Variants in OR2L13 observed in about 807,000 individuals in gnomAD.
OR2L13 encodes olfactory receptor 2L13.
Under a neutral mutation model 15.3 loss-of-function variants are expected in OR2L13, and 14 were observed. That is an observed-to-expected ratio of 0.91 (90% CI 0.60 to 1.43). OR2L13 has a LOEUF of 1.43. OR2L13 is among the 40% of genes most tolerant of loss of function. The pLI is 0.00. For missense variants in OR2L13, 367 were observed against 387.9 expected, an observed-to-expected ratio of 0.95 and a Z score of 0.45; for synonymous variants, 152 against 142.9, an observed-to-expected ratio of 1.06 and a Z score of -0.45.
At chr1:247,974,998 T>C in the OR2L13 span, 3 of 313,078 alleles carry the variant, frequency 9.6e-6, no homozygotes, top group Non-Finnish European at 2.0e-5. Context: ...ATTTTCTGTT[T>C]GGAAACAAGT....
the OR2L13 span, among the ~76,000 whole-genome samples, chr1:247,979,524 G>A: frequency 6.8e-6 from 1 of 146,970 alleles, no homozygotes; most frequent in Non-Finnish European, 1.5e-5. Flanking sequence ...GTATTTCATG[G>A]TGTATATGTG....
At chr1:248,012,359 T>C in the OR2L13 span, among the ~76,000 whole-genome samples, 1 of 152,126 alleles carries the variant, frequency 6.6e-6, no homozygotes, top group Non-Finnish European at 1.5e-5. Flanking sequence ...TTGTTTCATA[T>C]GCCCAAGTCC....
chr1:248,080,461 T>C, the OR2L13 span, among the ~76,000 whole-genome samples: 1 of 152,152 alleles, frequency 6.6e-6, no homozygotes, highest in Non-Finnish European at 1.5e-5. Context: ...CGGTGTGTGA[T>C]GTTCCCCTCC....
exon 3 of OR2L13, chr1:248,100,356 T>A: frequency 8.1e-7 from 1 of 1,238,096 alleles, no homozygotes; most frequent in South Asian, 1.3e-5. Flanking sequence ...TCTTTCCAAG[T>A]TGATTCCAAC....
At chr1:247,939,038 G>T in the OR2L13 span, 1 of 152,160 alleles carries the variant, frequency 6.6e-6, no homozygotes, top group Non-Finnish European at 1.5e-5. Context: ...ATAAGTAAAG[G>T]ATGCAAGACA....
upstream of OR2L13, among the ~76,000 whole-genome samples, chr1:248,094,499 A>T (rs1233163294): frequency 6.6e-6 from 1 of 152,174 alleles, no homozygotes; most frequent in Non-Finnish European, 1.5e-5. Flanking sequence ...CCAGTTGTAA[A>T]GATTAGTAAC....
chr1:247,946,908 A>G, the OR2L13 span, among the ~76,000 whole-genome samples: 1 of 152,326 alleles, frequency 6.6e-6, no homozygotes, highest in East Asian at 1.9e-4. Context: ...TTCAGTTGAG[A>G]GAAATTTTTT....
chr1:248,003,542 A>G, the OR2L13 span: 1 of 1,612,580 alleles, frequency 6.2e-7, no homozygotes. Flanking sequence ...CATGAGCAAA[A>G]GAGTGTGTGT....
the OR2L13 span, among the ~76,000 whole-genome samples, chr1:248,014,847 C>T: frequency 6.6e-6 from 1 of 152,142 alleles, no homozygotes; most frequent in African/African-American, 2.4e-5. Flanking sequence ...GCTTACATTT[C>T]TAGTAATTGT....
the OR2L13 span, among the ~76,000 whole-genome samples, chr1:248,067,776 C>T: frequency 4.6e-5 from 7 of 152,304 alleles, no homozygotes; most frequent in East Asian, 1.9e-4. Flanking sequence ...CCTGGAAAAT[C>T]GGGCCACTCC....
At chr1:248,076,496 C>T in the OR2L13 span, among the ~76,000 whole-genome samples, 1 of 151,984 alleles carries the variant, frequency 6.6e-6, no homozygotes, top group African/African-American at 2.4e-5. Context: ...TATTCTTCCA[C>T]TCGTTTTTGT....
the OR2L13 span, among the ~76,000 whole-genome samples, chr1:247,984,906 C>T: frequency 0.039 from 5,890 of 152,098 alleles, 350 homozygotes; most frequent in African/African-American, 0.13. Context: ...TCTGCTATCC[C>T]CTGGGTTCCA....
At chr1:247,959,563 G>C in the OR2L13 span, among the ~76,000 whole-genome samples, 1 of 151,702 alleles carries the variant, frequency 6.6e-6, no homozygotes, top group Non-Finnish European at 1.5e-5. Flanking sequence ...CATTCTCCTC[G>C]TCACTTTCAG....
chr1:248,054,633 G>C, the OR2L13 span, among the ~76,000 whole-genome samples: 10 of 152,068 alleles, frequency 6.6e-5, no homozygotes, highest in Non-Finnish European at 1.2e-4. Flanking sequence ...ATGGTTTGTA[G>C]TTCTCTTTGA....
At chr1:248,057,872 T>C in the OR2L13 span, among the ~76,000 whole-genome samples, 1 of 152,230 alleles carries the variant, frequency 6.6e-6, no homozygotes, top group Admixed American at 6.5e-5. Context: ...TTATTTATTA[T>C]TTATCCTAAG....
At chr1:248,040,361 G>C in the OR2L13 span, 10 of 152,396 alleles carry the variant, frequency 6.6e-5, no homozygotes, top group East Asian at 1.9e-3. Context: ...GAGCAAGTAA[G>C]AAGAGCCTCA....
the OR2L13 span, chr1:248,040,729 T>A: frequency 6.6e-6 from 1 of 152,234 alleles, no homozygotes; most frequent in Non-Finnish European, 1.5e-5. Context: ...TAAGGCTTGC[T>A]GTCAATAGTA....
chr1:248,095,994 C>T (rs1025953544), upstream of OR2L13, among the ~76,000 whole-genome samples: 7 of 151,896 alleles, frequency 4.6e-5, no homozygotes, highest in South Asian at 2.1e-4. Context: ...TGATTTGGGT[C>T]GGCTTTATCC....
chr1:248,088,302 T>G, the OR2L13 span, among the ~76,000 whole-genome samples: 1 of 152,176 alleles, frequency 6.6e-6, no homozygotes, highest in African/African-American at 2.4e-5. Flanking sequence ...TATTTTGAAC[T>G]GGGCCCCAAT....
Sources: gnomAD v4.1 joint callset for allele counts (sites outside exome capture counted in the v4.1 genomes callset) on GRCh38, gnomAD v4.1.1 for gene constraint, MANE v1.5 for transcripts, NCBI Gene and HGNC (gene_info 2026-07-23, HGNC 2026-07-21) for gene names.